PCDHA6: variants seen among roughly 807,000 people sequenced by gnomAD.
PCDHA6 encodes protocadherin alpha-6.
In PCDHA6, 55 loss-of-function variants were observed where a neutral mutation model predicts 60.3. The observed-to-expected ratio is 0.91, with a 90% CI of 0.73 to 1.14. The LOEUF is 1.14. PCDHA6 is among the 50% of genes most tolerant of loss of function. The pLI is 0.00. For synonymous variants in PCDHA6, 652 were observed against 557.9 expected (o/e 1.17, Z -2.38); for missense variants, 1,327 against 1,256.5 (o/e 1.06, Z -0.85).
chr5:140,877,713 T>C (rs2057302382), intron 1 of PCDHA6: 1 of 1,613,318 alleles, frequency 6.2e-7, no homozygotes, highest in African/African-American at 1.3e-5. Flanking sequence ...CCGTGGGGAG[T>C]TGGTCTTACT....
intron 1 of PCDHA6, among the ~76,000 whole-genome samples, chr5:140,918,244 T>C (rs1554198493): frequency 6.6e-6 from 1 of 152,236 alleles, no homozygotes; most frequent in South Asian, 2.1e-4. Flanking sequence ...TGATTTTGTA[T>C]GCTGAAACTT....
At chr5:140,845,700 G>T (rs994276971) in intron 1 of PCDHA6, among the ~76,000 whole-genome samples, 1 of 149,282 alleles carries the variant, frequency 6.7e-6, no homozygotes, top group African/African-American at 2.5e-5. Context: ...CAGTTCCTTG[G>T]CATTATATGT....
rs994477615 is a variant in PCDHA6 at position 140,861,542 on chromosome 5, C to T, written c.2394+31057C>T. On this transcript the variant is annotated intron_variant, in intron 1 of 3. Coordinates refer to ENST00000529310, the MANE Select transcript of PCDHA6 (RefSeq NM_018909.4). ...GGAGGATCTCGGAGTGCAGCATCCA[C>T]CTGGAAGTGATCGTGGACAAGCTGC... is the stretch of plus-strand genomic sequence containing the variant. The T allele has an allele frequency of 4.0e-5, 17 of 424,962 alleles. No homozygotes were observed. In the East Asian group the frequency reaches 1.2e-3, roughly 30 times the overall value. The allele number at this position is 424,962 out of a possible 1,614,324, so 26.3% of individuals were successfully genotyped here.
intron 1 of PCDHA6, among the ~76,000 whole-genome samples, chr5:140,889,804 G>A (rs940898112): frequency 1.3e-5 from 2 of 152,112 alleles, no homozygotes; most frequent in African/African-American, 2.4e-5. Context: ...TGGGATTTAT[G>A]AAGTCAGGTC....
At chr5:141,007,613 T>C (rs1351675120) in intron 3 of PCDHA6, among the ~76,000 whole-genome samples, 1 of 152,056 alleles carries the variant, frequency 6.6e-6, no homozygotes, top group Non-Finnish European at 1.5e-5. Context: ...GAAGCAGATA[T>C]AGGAGAGGTC....
chr5:140,987,398 A>G (rs935672912), intron 3 of PCDHA6, among the ~76,000 whole-genome samples: 4 of 152,140 alleles, frequency 2.6e-5, no homozygotes, highest in African/African-American at 9.7e-5. Context: ...CAAGGAAGCC[A>G]TCTGTTTATG....
intron 1 of PCDHA6, chr5:140,864,763 A>T (rs976670249): frequency 6.6e-6 from 1 of 152,064 alleles, no homozygotes; most frequent in East Asian, 1.9e-4. Context: ...TTTTTCTTTC[A>T]TTTTTGGTAC....
At chr5:141,004,597 C>CTTAG (rs1554259623) in intron 3 of PCDHA6, among the ~76,000 whole-genome samples, 1 of 152,218 alleles carries the variant, frequency 6.6e-6, no homozygotes, top group African/African-American at 2.4e-5. Flanking sequence ...GATGACAGTG[C>CTTAG]TTAGGCCTCA....
chr5:140,891,920 C>G (rs1396526194), intron 1 of PCDHA6, among the ~76,000 whole-genome samples: 10 of 152,206 alleles, frequency 6.6e-5, no homozygotes, highest in Non-Finnish European at 8.8e-5. Flanking sequence ...GATGCTGGTG[C>G]CTTGATCTTG....
chr5:140,913,107 CA>C (rs2076210472), intron 1 of PCDHA6, among the ~76,000 whole-genome samples: 1 of 152,078 alleles, frequency 6.6e-6, no homozygotes, highest in South Asian at 2.1e-4. Context: ...CTCATAGAAT[CA>C]GTTTGGAAGT....
intron 1 of PCDHA6, chr5:140,871,675 T>C (rs1474564343): frequency 8.8e-7 from 1 of 1,142,376 alleles, no homozygotes; most frequent in African/African-American, 1.6e-5. Flanking sequence ...CTTTTAATCA[T>C]ATGAATAATC....
intron 3 of PCDHA6, among the ~76,000 whole-genome samples, chr5:141,008,262 G>T (rs1178355094): frequency 6.6e-6 from 1 of 152,198 alleles, no homozygotes; most frequent in Non-Finnish European, 1.5e-5. Flanking sequence ...AGGAGACTGA[G>T]AAGTAATAGG....
At chr5:140,869,161 C>T in intron 1 of PCDHA6, 1 of 1,613,852 alleles carries the variant, frequency 6.2e-7, no homozygotes, top group South Asian at 1.1e-5. Flanking sequence ...CTGGCTTCTC[C>T]TCCTCGAATT....
chr5:140,843,328 G>T lies in PCDHA6; in HGVS notation c.2394+12843G>T, dbSNP rs2150357585. On this transcript the variant is annotated intron_variant, in intron 1 of 3. Coordinates refer to ENST00000529310, the MANE Select transcript of PCDHA6 (RefSeq NM_018909.4). ...CCACGGCCACGGTTCTGGTGTCGCT[G>T]GTGGAGAGCGGCCAGGCTCCAAAAG... 18 of 1,595,922 alleles carry T rather than the reference G, an allele frequency of 1.1e-5. 1 individual carries two copies. The South Asian group carries it at 1.7e-4, about 15-fold the overall frequency.
chr5:140,955,647 T>G (rs1395732517), intron 1 of PCDHA6, among the ~76,000 whole-genome samples: 1 of 152,116 alleles, frequency 6.6e-6, no homozygotes, highest in Non-Finnish European at 1.5e-5. Context: ...AACAAATTAA[T>G]ACACATATGA....
At chr5:140,986,940 G>A (rs1371744170) in intron 3 of PCDHA6, among the ~76,000 whole-genome samples, 1 of 152,280 alleles carries the variant, frequency 6.6e-6, no homozygotes, top group South Asian at 2.1e-4. Flanking sequence ...GAGGCTGGGT[G>A]TGGTCGCTCA....
chr5:140,881,494 A>G (rs1483226847), intron 1 of PCDHA6: 1 of 293,548 alleles, frequency 3.4e-6, no homozygotes, highest in African/African-American at 2.3e-5. Flanking sequence ...GTTTATGCAC[A>G]TACACACACT....
intron 1 of PCDHA6, among the ~76,000 whole-genome samples, chr5:140,904,227 C>T (rs1373458999): frequency 5.9e-5 from 9 of 151,978 alleles, no homozygotes; most frequent in African/African-American, 2.2e-4. Context: ...TTGTATTATA[C>T]TTATGCCTTT....
chr5:140,882,104 A>C, intron 1 of PCDHA6: 2 of 1,343,832 alleles, frequency 1.5e-6, no homozygotes. Context: ...CGTTTCCGCG[A>C]AGAAAGCCGC....
Sources: allele counts gnomAD v4.1 joint callset (sites outside exome capture counted in the v4.1 genomes callset), GRCh38; gene constraint gnomAD v4.1.1; transcripts MANE v1.5; gene names NCBI Gene and HGNC (gene_info 2026-07-23, HGNC 2026-07-21).